RBMS1: variants seen among roughly 807,000 people sequenced by gnomAD.
RBMS1 encodes RNA binding motif single stranded interacting protein 1.
RBMS1 carries 17 observed loss-of-function variants against 62.3 expected under a neutral mutation model. The ratio of observed to expected loss-of-function variants is 0.27; its 90% CI spans 0.19 to 0.41. The LOEUF is 0.41. Ranked by LOEUF, RBMS1 falls within the 10% of genes least tolerant of loss-of-function variation. The pLI is 1.00. For missense variants in RBMS1, 334 were observed against 504.5 expected (o/e 0.66, Z 3.24); for synonymous variants, 172 against 170.0 (o/e 1.01, Z -0.09).
intron 1 of RBMS1, among the ~76,000 whole-genome samples, chr2:160,479,319 C>T (rs1685268149): frequency 6.6e-6 from 1 of 152,258 alleles, no homozygotes; most frequent in African/African-American, 2.4e-5. Flanking sequence ...AGCTCATCTA[C>T]AACAGGTTAG....
chr2:160,351,641 T>C (rs764441371), intron 2 of RBMS1, among the ~76,000 whole-genome samples: 11 of 152,148 alleles, frequency 7.2e-5, no homozygotes, highest in Admixed American at 1.3e-4. Flanking sequence ...TTTGAGTATT[T>C]GCTGACTTTA....
At chr2:160,309,077 T>C (rs1475491000) in intron 4 of RBMS1, among the ~76,000 whole-genome samples, 1 of 152,184 alleles carries the variant, frequency 6.6e-6, no homozygotes, top group Non-Finnish European at 1.5e-5. Context: ...CACTCCCACA[T>C]TCCAGAGTGA....
chr2:160,297,375 T>A (rs138916089), intron 6 of RBMS1, among the ~76,000 whole-genome samples: 175 of 152,266 alleles, frequency 1.1e-3, no homozygotes, highest in African/African-American at 4.0e-3. Context: ...CATTTCAATT[T>A]CCCCCCACAT....
At chr2:160,292,406 C>T (rs1035127163) in intron 6 of RBMS1, among the ~76,000 whole-genome samples, 12 of 152,190 alleles carry the variant, frequency 7.9e-5, no homozygotes, top group Non-Finnish European at 1.5e-4. Context: ...ATGGCTCCTC[C>T]TCTTGTTTTC....
chr2:160,448,348 G>A (rs572842473), intron 1 of RBMS1, among the ~76,000 whole-genome samples: 2 of 151,282 alleles, frequency 1.3e-5, no homozygotes, highest in African/African-American at 4.9e-5. Context: ...ATGCCGAGCG[G>A]AGGCTGGACT....
chr2:160,472,410 C>T (rs1684959301), intron 1 of RBMS1, among the ~76,000 whole-genome samples: 1 of 152,284 alleles, frequency 6.6e-6, no homozygotes, highest in Non-Finnish European at 1.5e-5. Flanking sequence ...TTCCCTTTTA[C>T]TGTTGCTAAC....
chr2:160,285,058 A>G lies in RBMS1; in HGVS notation c.757-14T>C. On this transcript the variant is annotated splice_polypyrimidine_tract_variant and intron_variant, in intron 7 of 13. Transcript: ENST00000348849. ...TGTCATTCCAGCCTATGGGAAAGAG[A>G]AAGAAATATAAACATTCATCTAGAA... 6.2e-7 allele frequency: 1 copy of G among 1,606,408 alleles called. No individual in the cohort carries two copies. The highest frequency in any genetic ancestry group is 8.5e-7 in the Non-Finnish European group (1 of 1,173,026).
At chr2:160,453,617 T>C (rs935619703) in intron 1 of RBMS1, among the ~76,000 whole-genome samples, 27 of 152,158 alleles carry the variant, frequency 1.8e-4, no homozygotes, top group African/African-American at 6.3e-4. Context: ...CAACAATGCA[T>C]TGCCACCACT....
intron 6 of RBMS1, among the ~76,000 whole-genome samples, chr2:160,296,039 G>A (rs1269691362): frequency 1.3e-5 from 2 of 152,220 alleles, no homozygotes; most frequent in Admixed American, 1.3e-4. Context: ...TGCAAAGGCT[G>A]ACACCGTAGG....
At chr2:160,439,397 C>T (rs559309997) in intron 1 of RBMS1, among the ~76,000 whole-genome samples, 3 of 151,792 alleles carry the variant, frequency 2.0e-5, no homozygotes, top group East Asian at 3.9e-4. Context: ...CGGGCAGAGA[C>T]GCCCCTCACA....
intron 1 of RBMS1, among the ~76,000 whole-genome samples, chr2:160,385,859 G>A (rs962212796): frequency 1.3e-5 from 2 of 152,258 alleles, no homozygotes; most frequent in East Asian, 3.9e-4. Flanking sequence ...GCTCACAAGA[G>A]ACTCAGAATG....
Position 160,352,757 on chromosome 2 carries a change from G to T in RBMS1, c.251+14459C>A, listed in dbSNP as rs569614515. ...GCCAGGCCAAGAGCAGGTACAACTA[G>T]TTGGCACACACCCTCACCATGATCT... On this transcript the variant is annotated intron_variant, in intron 2 of 13. Coordinates refer to ENST00000348849, the MANE Select transcript of RBMS1 (RefSeq NM_016836.4). Among the ~76,000 whole-genome samples the T allele has an allele frequency of 2.0e-5, 3 of 152,256 alleles. No homozygotes were observed. The East Asian group carries it at 5.8e-4, about 29-fold the overall frequency.
chr2:160,306,080 G>A (rs943606588), intron 4 of RBMS1, among the ~76,000 whole-genome samples: 2 of 152,050 alleles, frequency 1.3e-5, no homozygotes, highest in Non-Finnish European at 2.9e-5. Context: ...AATGAGTTGT[G>A]ATCATGCTAC....
At chr2:160,459,339 C>T (rs1488656725) in intron 1 of RBMS1, among the ~76,000 whole-genome samples, 1 of 152,180 alleles carries the variant, frequency 6.6e-6, no homozygotes, top group African/African-American at 2.4e-5. Context: ...TACTATCATT[C>T]TTTCTGCTTC....
At chr2:160,468,648 T>C (rs1574097801) in intron 1 of RBMS1, among the ~76,000 whole-genome samples, 1 of 150,056 alleles carries the variant, frequency 6.7e-6, no homozygotes, top group African/African-American at 2.4e-5. Flanking sequence ...TTAAAATGTA[T>C]AGATTAAGTA....
chr2:160,445,893 C>G (rs1683619829), intron 1 of RBMS1, among the ~76,000 whole-genome samples: 1 of 152,058 alleles, frequency 6.6e-6, no homozygotes, highest in Non-Finnish European at 1.5e-5. Flanking sequence ...ACCCCACTGC[C>G]TTGTTGCTGA....
chr2:160,460,025 T>C (rs1435090120), intron 1 of RBMS1, among the ~76,000 whole-genome samples: 1 of 152,188 alleles, frequency 6.6e-6, no homozygotes, highest in East Asian at 1.9e-4. Context: ...ATTCAATCCA[T>C]TAACCTTGTA....
At chr2:160,310,006 C>T (rs1164246157) in intron 4 of RBMS1, among the ~76,000 whole-genome samples, 3 of 152,184 alleles carry the variant, frequency 2.0e-5, no homozygotes, top group Non-Finnish European at 4.4e-5. Flanking sequence ...AGGCATCACA[C>T]ACACTTAACA....
chr2:160,414,560 C>T (rs537239459), intron 1 of RBMS1, among the ~76,000 whole-genome samples: 1 of 152,252 alleles, frequency 6.6e-6, no homozygotes, highest in Non-Finnish European at 1.5e-5. Context: ...CAACATCTCT[C>T]TATGAAGAAA....
Sources: allele counts gnomAD v4.1 joint callset (sites outside exome capture counted in the v4.1 genomes callset), GRCh38; gene constraint gnomAD v4.1.1; transcripts MANE v1.5; gene names NCBI Gene and HGNC (gene_info 2026-07-23, HGNC 2026-07-21).